COL18A1: variants seen among roughly 807,000 people sequenced by gnomAD.
The protein encoded by COL18A1 is collagen alpha-1(XVIII) chain.
In COL18A1, 133 loss-of-function variants were observed where a neutral mutation model predicts 168.0. That is an observed-to-expected ratio of 0.79 (90% CI 0.69 to 0.91). The LOEUF (loss-of-function observed/expected upper bound fraction) is 0.91. Ranked by LOEUF, COL18A1 falls within the 40% of genes least tolerant of loss-of-function variation. The pLI is 0.00. For synonymous variants in COL18A1, 949 were observed against 809.0 expected (o/e 1.17, Z -2.94); for missense variants, 2,126 against 1,925.4 (o/e 1.10, Z -1.95).
rs372982447 is a variant in COL18A1, at chr21:45,504,455, G to A, written c.2767G>A (p.Glu923Lys). The A allele has an allele frequency of 5.5e-5, 88 of 1,611,288 alleles. No individual in the cohort carries two copies. The highest frequency in any genetic ancestry group is 2.4e-4 in the South Asian group (22 of 90,996). ...CCGAGGTGATGCAGGACAGAAAGGC[G>A]AAAGGGGGGAGCCCGGGGGCGGCGG... ...GDRGDAGQKG[E>K]RGEPGGGGFF... Residue 923 changes from glutamate to lysine, a missense_variant, in exon 34 of 42, where the codon GAA (glutamate) becomes AAA (lysine). Coordinates refer to ENST00000651438, the MANE Select transcript of COL18A1 (RefSeq NM_001379500.1).
chr21:45,450,894 C>T (rs542657856), intron 2 of COL18A1, among the ~76,000 whole-genome samples: 6 of 152,352 alleles, frequency 3.9e-5, no homozygotes, highest in Non-Finnish European at 5.9e-5. Flanking sequence ...GATGGCTGTG[C>T]GGACACCAGA....
intron 40 of COL18A1, among the ~76,000 whole-genome samples, chr21:45,510,884 G>A (rs1287355884): frequency 1.3e-5 from 2 of 151,938 alleles, no homozygotes; most frequent in Admixed American, 6.6e-5. Flanking sequence ...GCTCCCCCAC[G>A]CTTGTTCCCT....
chr21:45,467,985 C>T lies in COL18A1; in HGVS notation c.107-257C>T, dbSNP rs539057423. Among the ~76,000 whole-genome samples, 72 of 152,326 alleles carry T rather than the reference C, an allele frequency of 4.7e-4. 1 individual carries two copies. The highest frequency in any genetic ancestry group is 4.4e-3 in the Admixed American group (67 of 15,300). ...GTGGACACCATGTCCCGTGCAGACA[C>T]CATGTCTCCTGCAGACACCATGTCC... is the stretch of plus-strand genomic sequence containing the variant. On this transcript the variant is annotated intron_variant, in intron 2 of 41. Transcript: ENST00000651438.
At chr21:45,481,093 A>AG (rs1434669111) in intron 13 of COL18A1, among the ~76,000 whole-genome samples, 20 of 152,194 alleles carry the variant, frequency 1.3e-4, no homozygotes, top group Admixed American at 1.3e-3. Flanking sequence ...GGTGACCGCA[A>AG]GCAAGGCCTC....
chr21:45,429,595 A>G (rs1051029616), intron 2 of COL18A1, among the ~76,000 whole-genome samples: 6 of 152,032 alleles, frequency 3.9e-5, no homozygotes, highest in Non-Finnish European at 5.9e-5. Context: ...GGCTGGAGGC[A>G]TCTTCTAGTT....
At chr21:45,453,844 C>T (rs913557459) in intron 2 of COL18A1, among the ~76,000 whole-genome samples, 1 of 152,318 alleles carries the variant, frequency 6.6e-6, no homozygotes, top group East Asian at 1.9e-4. Flanking sequence ...TTGTGCCTGG[C>T]TCTGCCCAGG....
At chr21:45,493,339 A>T (rs1352476049) in intron 25 of COL18A1, 114 bp downstream of exon 25, 1 of 1,327,208 alleles carries the variant, frequency 7.5e-7, no homozygotes, top group Admixed American at 2.0e-5. Context: ...CTGCTGTGAC[A>T]CGTGAGGGGT....
intron 2 of COL18A1, among the ~76,000 whole-genome samples, chr21:45,466,941 T>A (rs933145121): frequency 6.6e-6 from 1 of 152,212 alleles, no homozygotes; most frequent in South Asian, 2.1e-4. Flanking sequence ...GACCAGGCAC[T>A]TCTTATGAGA....
Position 45,512,575 on chromosome 21 carries a change from T to TA in COL18A1, c.*181dup. On this transcript the variant is annotated 3_prime_UTR_variant, in exon 42 of 42. Transcript: ENST00000651438. ...AAGGAAGCCAAAGAGTGTATTTTTT[T>TA]AAAAGTTTAAAACAGAAGCCTGATG... The TA allele has an allele frequency of 1.5e-6, 1 of 658,896 alleles. No homozygotes were observed. 40.8% of individuals were successfully genotyped at this position (658,896 alleles called of 1,614,324 possible).
At chr21:45,487,751 G>A (rs965952628) in intron 17 of COL18A1, 1 of 656,416 alleles carries the variant, frequency 1.5e-6, no homozygotes, top group East Asian at 2.8e-5. Context: ...CACTGTGAGT[G>A]GTCAAGACAA....
Position 45,498,433 on chromosome 21 carries a change from C to T in COL18A1, c.2683+772C>T, listed in dbSNP as rs1015259432. The T allele has an allele frequency of 4.3e-6, 3 of 696,726 alleles. No individual in the cohort carries two copies. The highest frequency in any genetic ancestry group is 8.1e-6 in the Non-Finnish European group (3 of 372,554). The allele number at this position is 696,726 out of a possible 1,614,324, so 43.2% of individuals were successfully genotyped here. A position where few individuals can be genotyped will look rare whatever the true frequency, so the allele number is the denominator to read the frequency against. ...GGGTCCCCTCTCGCCGCCACGGTCC[C>T]CTCTCGCCGCCAGGGTCCCCTCTCG... is the stretch of plus-strand genomic sequence containing the variant. On this transcript the variant is annotated intron_variant, in intron 32 of 41. Transcript: ENST00000651438. This position sits in a 1 kb window ranked among gnomAD's most constrained non-coding sequence, Gnocchi z 4.5.
At position 45,495,370 on chromosome 21, in the gene COL18A1, A is replaced by G. The variant is rs1285994676; in HGVS notation, c.2446A>G (p.Met816Val). 7 of 1,610,508 alleles carry G rather than the reference A, an allele frequency of 4.3e-6. No individual in the cohort carries two copies. The highest frequency in any genetic ancestry group is 5.1e-6 in the Non-Finnish European group (6 of 1,178,572). The part of the protein sequence containing the change: ...GFPGRPGRPG[M>V]NGLKGEKGEP... ...TGCTCCGCCCCAGGGTCGCCCCGGG[A>G]TGAACGGATTGAAAGGAGAGAAAGG... Residue 816 changes from methionine to valine, a missense_variant, in exon 29 of 42, where the codon ATG becomes GTG. Transcript: ENST00000651438.
At chr21:45,455,832 A>G in intron 2 of COL18A1, 1 of 1,613,226 alleles carries the variant, frequency 6.2e-7, no homozygotes. Context: ...GAGAGCCCGG[A>G]CGCGCCAGAG....
At chr21:45,476,132 CGGTCCTG>C (rs143257507) in intron 5 of COL18A1, among the ~76,000 whole-genome samples, 4,266 of 144,374 alleles carry the variant, frequency 0.03, 220 homozygotes, top group African/African-American at 0.11. Context: ...ACGGCAGGCG[CGGTCCTG>C]GGTCCTGGGG....
chr21:45,422,261 T>C (rs1463846216), intron 2 of COL18A1: 1 of 330,670 alleles, frequency 3.0e-6, no homozygotes, highest in African/African-American at 2.2e-5. Context: ...TCAGGGACCC[T>C]GGCACACCCG....
chr21:45,436,997 C>T lies in COL18A1; in HGVS notation c.107-31245C>T, dbSNP rs2034121603. Among the ~76,000 whole-genome samples, 3 of 152,088 alleles carry T rather than the reference C, an allele frequency of 2.0e-5. No individual in the cohort carries two copies. The South Asian group carries it at 6.2e-4, about 31-fold the overall frequency. On this transcript the variant is annotated intron_variant, in intron 2 of 41. Transcript: ENST00000651438. ...GCAGGAGCTGTGGCTGGGGCTTCTG[C>T]TGTCTGCATCCGTTCCTGTACATAG...
Position 45,471,778 on chromosome 21 carries a change from G to A in COL18A1, c.652-2117G>A, listed in dbSNP as rs2035436718. The stretch of plus-strand genomic sequence containing the variant: ...CCAGCTGTGTCCTGATTTCCAGGGC[G>A]CTGAGGCTGCAGCGTGTCGGGAAGC... On this transcript the variant is annotated intron_variant, in intron 3 of 41. Transcript: ENST00000651438. This position sits in a 1 kb window ranked among gnomAD's most constrained non-coding sequence, Gnocchi z 4.4. Among the ~76,000 whole-genome samples the A allele has an allele frequency of 6.6e-6, 1 of 152,016 alleles. No homozygotes were observed. The highest frequency in any genetic ancestry group is 1.5e-5 in the Non-Finnish European group (1 of 68,014).
intron 2 of COL18A1, among the ~76,000 whole-genome samples, chr21:45,437,861 C>T (rs1228607137): frequency 1.5e-5 from 1 of 66,796 alleles, no homozygotes; most frequent in Non-Finnish European, 2.6e-5. Context: ...CACTCACACT[C>T]ACACTCAGAC....
chr21:45,450,643 C>T (rs1313089563), intron 2 of COL18A1, among the ~76,000 whole-genome samples: 2 of 152,194 alleles, frequency 1.3e-5, no homozygotes, highest in Non-Finnish European at 2.9e-5. Context: ...CGGGGCAGGG[C>T]GGAGACAGTG....
Sources: gnomAD v4.1 joint callset for allele counts (sites outside exome capture counted in the v4.1 genomes callset) on GRCh38, gnomAD v4.1.1 for gene constraint, Gnocchi (gnomAD v3.1) non-coding constraint, MANE v1.5 for transcripts, NCBI Gene and HGNC (gene_info 2026-07-23, HGNC 2026-07-21) for gene names.